Variants in DUSP28 observed in about 807,000 individuals in gnomAD.
DUSP28 encodes dual specificity phosphatase 28.
Under a neutral mutation model 8.4 loss-of-function variants are expected in DUSP28, and 11 were observed. That is an observed-to-expected ratio of 1.31 (90% CI 0.83 to 2.17). The LOEUF (loss-of-function observed/expected upper bound fraction) is 2.17, where lower values mean the gene tolerates loss of function less well. Ranked by LOEUF, DUSP28 falls within the 30% of genes most tolerant of loss-of-function variation. DUSP28 has a pLI of 0.00. For missense variants in DUSP28, 373 were observed against 270.4 expected (o/e 1.38, Z -2.66); for synonymous variants, 178 against 130.9 (o/e 1.36, Z -2.46).
Position 240,560,873 on chromosome 2 carries a change from G to C in DUSP28, c.189G>C (p.Val63=), listed in dbSNP as rs770718310. The change falls in exon 1 of 2, where the codon GTG becomes GTC. Residue 63 remains valine, a synonymous_variant. Transcript: ENST00000405954. The part of the protein sequence containing the change: ...RQQPGPRAPG[V]AELRVPVFDD... The stretch of plus-strand genomic sequence containing the variant: ...AGCCCGGCCCGCGCGCGCCCGGCGT[G>C]GCAGAGCTGCGCGTGCCCGTGTTCG... The C allele has an allele frequency of 4.9e-6, 7 of 1,419,360 alleles. No homozygotes were observed. Among genetic ancestry groups the C allele is most frequent in the Non-Finnish European group, 6.5e-6 (7 of 1,079,044 alleles). 87.9% of individuals were successfully genotyped at this position (1,419,360 alleles called of 1,614,324 possible).
intron 1 of DUSP28, 28 bp downstream of exon 1, chr2:240,561,105 T>A: frequency 6.8e-7 from 1 of 1,462,388 alleles, no homozygotes. Context: ...GGGGCGGTGT[T>A]TCGAGAGGGG....
intron 1 of DUSP28, 61 bp from the exon 2 acceptor site, chr2:240,561,269 C>T (rs1183219324): frequency 1.9e-6 from 3 of 1,610,602 alleles, no homozygotes; most frequent in African/African-American, 1.3e-5. Flanking sequence ...GCTGGGCCCG[C>T]CTTGGCCCCT....
Position 240,563,648 on chromosome 2 carries a change from C to T in DUSP28, c.*2181C>T, listed in dbSNP as rs1205408649. Reference sequence around the variant, plus strand: ...GGTCTATTTTTCCAGATAGGCCTAACAGCTGGTTTTCTGTTTGCATTTCAG... The same window carrying T: ...GGTCTATTTTTCCAGATAGGCCTAATAGCTGGTTTTCTGTTTGCATTTCAG... On this transcript the variant is annotated 3_prime_UTR_variant, in exon 2 of 2. Coordinates refer to ENST00000405954, the MANE Select transcript of DUSP28 (RefSeq NM_001370465.2). The T allele has an allele frequency of 1.3e-5, 2 of 152,768 alleles. No individual in the cohort carries two copies. Among genetic ancestry groups the T allele is most frequent in the Non-Finnish European group, 2.9e-5 (2 of 68,052 alleles). 9.5% of individuals were successfully genotyped at this position (152,768 alleles called of 1,614,324 possible). A position where few individuals can be genotyped will look rare whatever the true frequency, so the allele number is the denominator to read the frequency against.
In DUSP28 at chr2:240,561,090, T is replaced by C. The variant is rs1242679605; in HGVS notation, c.393+13T>C. The C allele has an allele frequency of 2.0e-6, 3 of 1,471,562 alleles. No homozygotes were observed. Among genetic ancestry groups the C allele is most frequent in the African/African-American group, 2.8e-5 (2 of 70,418 alleles). The allele number at this position is 1,471,562 out of a possible 1,614,324, so 91.2% of individuals were successfully genotyped here. On this transcript the variant is annotated intron_variant, in intron 1 of 1. Transcript: ENST00000405954. ...GAAGGCCTTCCAGGTGGGCGGGCCT[T>C]TAGGGGGGCGGTGTTTCGAGAGGGG...
Position 240,561,608 on chromosome 2 carries a change from C to G in DUSP28, c.*141C>G, listed in dbSNP as rs2092961105. 9.0e-7 allele frequency: 1 copy of G among 1,112,190 alleles called. No homozygotes were observed. Among genetic ancestry groups the G allele is most frequent in the African/African-American group, 1.6e-5 (1 of 62,472 alleles). 68.9% of individuals were successfully genotyped at this position (1,112,190 alleles called of 1,614,324 possible). A position where few individuals can be genotyped will look rare whatever the true frequency, so the allele number is the denominator to read the frequency against. ...ACATAGTGCTTTTAATTTTATATTTCCGGCTGAGGTGATGCACAAATTATC... is the reference window on the plus strand; with the variant it reads ...ACATAGTGCTTTTAATTTTATATTTGCGGCTGAGGTGATGCACAAATTATC... On this transcript the variant is annotated 3_prime_UTR_variant, in exon 2 of 2. Coordinates refer to ENST00000405954, the MANE Select transcript of DUSP28 (RefSeq NM_001370465.2).
At position 240,561,066 on chromosome 2, in the gene DUSP28, A is replaced by G. The variant is rs1162400294; in HGVS notation, c.382A>G (p.Lys128Glu). ...GCGGCACCGCGGCCTCAGCCTGGCG[A>G]AGGCCTTCCAGGTGGGCGGGCCTTT... ...LMRHRGLSLA[K>E]AFQMVKSARP... is the part of the protein sequence containing the mutation. The change falls in exon 1 of 2, where the codon AAG becomes GAG. Residue 128 changes from lysine to glutamate, a missense_variant. Physicochemically the swap from Lys to Glu is moderately conservative, Grantham distance 56 (BLOSUM62 1). Coordinates refer to ENST00000405954, the MANE Select transcript of DUSP28 (RefSeq NM_001370465.2). 2 of 1,489,936 alleles carry G rather than the reference A, an allele frequency of 1.3e-6. No homozygotes were observed. Among genetic ancestry groups the G allele is most frequent in the South Asian group, 1.3e-5 (1 of 76,884 alleles). 92.3% of individuals were successfully genotyped at this position (1,489,936 alleles called of 1,614,324 possible).
chr2:240,564,309 C>T lies in DUSP28; in HGVS notation c.*2842C>T, dbSNP rs991218138. On this transcript the variant is annotated 3_prime_UTR_variant, in exon 2 of 2. Coordinates refer to ENST00000405954, the MANE Select transcript of DUSP28 (RefSeq NM_001370465.2). ...CCGCTCTGCGGTCCTGCCACCAGTGCCCTCTGAGGTCCATGGTCCCACGGC... is the reference window on the plus strand; with the variant it reads ...CCGCTCTGCGGTCCTGCCACCAGTGTCCTCTGAGGTCCATGGTCCCACGGC... Among the ~76,000 whole-genome samples, 2 of 152,252 alleles carry T rather than the reference C, an allele frequency of 1.3e-5. No homozygotes were observed. The highest frequency in any genetic ancestry group is 2.4e-5 in the African/African-American group (1 of 41,464).
At position 240,561,063 on chromosome 2, in the gene DUSP28, G is replaced by A. The variant is rs777055749; in HGVS notation, c.379G>A (p.Ala127Thr). The change falls in exon 1 of 2, where the codon GCG becomes ACG. Residue 127 changes from alanine to threonine, a missense_variant. By Grantham distance (58) the Ala-to-Thr change is moderately conservative. Coordinates refer to ENST00000405954, the MANE Select transcript of DUSP28 (RefSeq NM_001370465.2). Reference sequence around the variant, plus strand: ...CATGCGGCACCGCGGCCTCAGCCTGGCGAAGGCCTTCCAGGTGGGCGGGCC... The same window carrying A: ...CATGCGGCACCGCGGCCTCAGCCTGACGAAGGCCTTCCAGGTGGGCGGGCC... ...YLMRHRGLSL[A>T]KAFQMVKSAR... 4.0e-6 allele frequency: 6 copies of A among 1,493,190 alleles called. No individual in the cohort carries two copies. The South Asian group carries it at 5.2e-5, about 13-fold the overall frequency. The allele number at this position is 1,493,190 out of a possible 1,614,324, so 92.5% of individuals were successfully genotyped here.
rs2092994923 is a variant in DUSP28 at position 240,564,045 on chromosome 2, A to C, written c.*2578A>C. The stretch of plus-strand genomic sequence containing the variant: ...AGCTTTGGTAAACTGCAGATTCAAA[A>C]ATCGAGGGAGAAATGAGCACACGCT... On this transcript the variant is annotated 3_prime_UTR_variant, in exon 2 of 2. Transcript: ENST00000405954. 6.6e-6 allele frequency: 1 copy of C among 152,398 alleles called. No homozygotes were observed. Among genetic ancestry groups the C allele is most frequent in the Non-Finnish European group, 1.5e-5 (1 of 68,054 alleles). The allele number at this position is 152,398 out of a possible 1,614,324, so 9.4% of individuals were successfully genotyped here.
chr2:240,561,623 C>T lies in DUSP28; in HGVS notation c.*156C>T. The T allele has an allele frequency of 3.0e-6, 3 of 988,782 alleles. 1 individual carries two copies. In the South Asian group the frequency reaches 6.7e-5, roughly 22 times the overall value. The allele number at this position is 988,782 out of a possible 1,614,324, so 61.3% of individuals were successfully genotyped here. On this transcript the variant is annotated 3_prime_UTR_variant, in exon 2 of 2. Coordinates refer to ENST00000405954, the MANE Select transcript of DUSP28 (RefSeq NM_001370465.2). ...TTTTATATTTCCGGCTGAGGTGATG[C>T]ACAAATTATCTTACAGACACAAAAA...
Position 240,560,903 on chromosome 2 carries a change from C to G in DUSP28, c.219C>G (p.Asp73Glu). The change falls in exon 1 of 2, where the codon GAC becomes GAG. Residue 73 changes from aspartate to glutamate, a missense_variant. Physicochemically the swap from Asp to Glu is conservative, Grantham distance 45. Coordinates refer to ENST00000405954, the MANE Select transcript of DUSP28 (RefSeq NM_001370465.2). ...VAELRVPVFD[D>E]PAEDLLAHLE... is the part of the protein sequence containing the mutation. ...AGCTGCGCGTGCCCGTGTTCGACGACCCGGCTGAGGACCTGCTGGCGCACC... is the reference window on the plus strand; with the variant it reads ...AGCTGCGCGTGCCCGTGTTCGACGAGCCGGCTGAGGACCTGCTGGCGCACC... 1 of 1,525,740 alleles carries G rather than the reference C, an allele frequency of 6.6e-7. No homozygotes were observed. Among genetic ancestry groups the G allele is most frequent in the Non-Finnish European group, 8.7e-7 (1 of 1,150,230 alleles). The allele number at this position is 1,525,740 out of a possible 1,614,324, so 94.5% of individuals were successfully genotyped here.
rs2125420793 is a variant in DUSP28, at chr2:240,560,768, C to T, written c.84C>T (p.Leu28=). ...TGCGCGTCGCGCCCTCACTCTTCCT[C>T]GGGAGCGCGCGAGCCGCGGGCGCGG... is the stretch of plus-strand genomic sequence containing the variant. The part of the protein sequence containing the change: ...PLVRVAPSLF[L]GSARAAGAEE... The change falls in exon 1 of 2, where the codon CTC becomes CTT. Residue 28 remains leucine, a synonymous_variant. Coordinates refer to ENST00000405954, the MANE Select transcript of DUSP28 (RefSeq NM_001370465.2). The T allele has an allele frequency of 1.4e-6, 2 of 1,464,814 alleles. No individual in the cohort carries two copies. The highest frequency in any genetic ancestry group is 3.0e-5 in the East Asian group (1 of 33,580). The allele number at this position is 1,464,814 out of a possible 1,614,324, so 90.7% of individuals were successfully genotyped here.
rs760777204 is a variant in DUSP28, at chr2:240,561,365, C to T, written c.429C>T (p.Asn143=). Residue 143 remains asparagine, a synonymous_variant, in exon 2 of 2, where the codon AAC becomes AAT. Coordinates refer to ENST00000405954, the MANE Select transcript of DUSP28 (RefSeq NM_001370465.2). ...VKSARPVAEP[N]PGFWSQLQKY... ...GCGCTCGCCCGGTAGCAGAACCGAA[C>T]CCGGGCTTCTGGTCTCAGCTCCAGA... The T allele has an allele frequency of 2.0e-5, 32 of 1,613,742 alleles. No individual in the cohort carries two copies. Among genetic ancestry groups the T allele is most frequent in the Admixed American group, 1.8e-4 (11 of 60,012 alleles).
rs200826093 is a variant in DUSP28, at chr2:240,561,342, G to A, written c.406G>A (p.Ala136Thr). ...TTCTTGTTTGCAGATGGTGAAGAGC[G>A]CTCGCCCGGTAGCAGAACCGAACCC... is the stretch of plus-strand genomic sequence containing the variant. Reference protein sequence around the residue: ...LAKAFQMVKSARPVAEPNPGF... With the variant: ...LAKAFQMVKSTRPVAEPNPGF... The change falls in exon 2 of 2, where the codon GCT becomes ACT. Residue 136 changes from alanine (A) to threonine (T), a missense_variant. Coordinates refer to ENST00000405954, the MANE Select transcript of DUSP28 (RefSeq NM_001370465.2). 1.2e-6 allele frequency: 2 copies of A among 1,613,860 alleles called. No homozygotes were observed. The highest frequency in any genetic ancestry group is 2.2e-5 in the East Asian group (1 of 44,872).
At position 240,564,249 on chromosome 2, in the gene DUSP28, C is replaced by T. The variant is rs367591854; in HGVS notation, c.*2782C>T. Among the ~76,000 whole-genome samples the T allele has an allele frequency of 6.6e-6, 1 of 152,356 alleles. No homozygotes were observed. The highest frequency in any genetic ancestry group is 2.4e-5 in the African/African-American group (1 of 41,592). The stretch of plus-strand genomic sequence containing the variant: ...CTACTGCTTTCTTCACAAGAGAATC[C>T]TCCACCTCAGTGGCCCTGAAGTGGC... On this transcript the variant is annotated 3_prime_UTR_variant, in exon 2 of 2. Transcript: ENST00000405954.
chr2:240,560,329 A>T (rs1450459428), upstream of DUSP28: 1 of 187,102 alleles, frequency 5.3e-6, no homozygotes, highest in East Asian at 1.3e-4. Flanking sequence ...GCCGCAGTAG[A>T]GCGGGCAGGG....
rs1448912494 is a variant in DUSP28 at position 240,560,671 on chromosome 2, CTT to C, written c.-13_-12del. ...GATCCTCAGGGCCCAAAAGCAGACT[CTT>C]CGGCGGGCGCCATGGGACCGGCAGA... is the stretch of plus-strand genomic sequence containing the variant. On this transcript the variant is annotated 5_prime_UTR_variant, in exon 1 of 2. Coordinates refer to ENST00000405954, the MANE Select transcript of DUSP28 (RefSeq NM_001370465.2). 6.6e-7 allele frequency: 1 copy of C among 1,507,186 alleles called. No homozygotes were observed. Among genetic ancestry groups the C allele is most frequent in the African/African-American group, 1.4e-5 (1 of 68,976 alleles). 93.4% of individuals were successfully genotyped at this position (1,507,186 alleles called of 1,614,324 possible). A position where few individuals can be genotyped will look rare whatever the true frequency, so the allele number is the denominator to read the frequency against.
Position 240,560,957 on chromosome 2 carries a change from C to A in DUSP28, c.273C>A (p.Ala91=). 2 of 1,519,186 alleles carry A rather than the reference C, an allele frequency of 1.3e-6. No individual in the cohort carries two copies. The highest frequency in any genetic ancestry group is 2.7e-5 in the East Asian group (1 of 37,546). The allele number at this position is 1,519,186 out of a possible 1,614,324, so 94.1% of individuals were successfully genotyped here. ...HLEPTCAAME[A]AVRAGGACLV... ...AGCCCACGTGCGCCGCCATGGAGGC[C>A]GCGGTGCGCGCCGGCGGCGCCTGCC... Residue 91 remains alanine (A), a synonymous_variant, in exon 1 of 2, where the codon GCC becomes GCA. Coordinates refer to ENST00000405954, the MANE Select transcript of DUSP28 (RefSeq NM_001370465.2).
Position 240,564,731 on chromosome 2 carries a change from C to T in DUSP28, c.*3264C>T, listed in dbSNP as rs1470477756. Among the ~76,000 whole-genome samples, 1 of 152,212 alleles carries T rather than the reference C, an allele frequency of 6.6e-6. No individual in the cohort carries two copies. The highest frequency in any genetic ancestry group is 2.4e-5 in the African/African-American group (1 of 41,456). On this transcript the variant is annotated 3_prime_UTR_variant, in exon 2 of 2. Coordinates refer to ENST00000405954, the MANE Select transcript of DUSP28 (RefSeq NM_001370465.2). ...GCCAGCAGAGCCTCCTGCCCACCAG[C>T]TGCTGAAGCCACAGTACATCTCCTT...
Sources: gnomAD v4.1 joint callset for allele counts (sites outside exome capture counted in the v4.1 genomes callset) on GRCh38, gnomAD v4.1.1 for gene constraint, MANE v1.5 for transcripts, NCBI Gene and HGNC (gene_info 2026-07-23, HGNC 2026-07-21) for gene names.